Variants in PKNOX2 observed in about 807,000 individuals in gnomAD.
The protein encoded by PKNOX2 is homeobox protein PKNOX2.
A neutral mutation model predicts 53.1 loss-of-function variants in PKNOX2; 14 were observed. The ratio of observed to expected loss-of-function variants is 0.26; its 90% CI spans 0.17 to 0.41. PKNOX2 has a LOEUF of 0.41. Among genes scored for constraint, PKNOX2 ranks in the 10% least tolerant of loss-of-function variants. PKNOX2 has a pLI of 1.00. For synonymous variants in PKNOX2, 257 were observed against 242.8 expected (o/e 1.06, Z -0.54); for missense variants, 496 against 602.8 (o/e 0.82, Z 1.85).
intron 2 of PKNOX2, among the ~76,000 whole-genome samples, chr11:125,265,085 G>A (rs1022849968): frequency 1.3e-5 from 2 of 152,146 alleles, no homozygotes; most frequent in Non-Finnish European, 2.9e-5. Context: ...TCAGAAGATT[G>A]AGACCATCCT....
intron 2 of PKNOX2, among the ~76,000 whole-genome samples, chr11:125,248,923 ATAAT>A (rs1943783516): frequency 8.0e-6 from 1 of 124,576 alleles, no homozygotes; most frequent in Admixed American, 8.0e-5. Flanking sequence ...TATAACATAT[ATAAT>A]ATACATTATA....
intron 5 of PKNOX2, among the ~76,000 whole-genome samples, chr11:125,383,473 C>T (rs1169805640): frequency 3.5e-5 from 5 of 143,502 alleles, no homozygotes; most frequent in East Asian, 2.1e-4. Context: ...AAAAATTAGT[C>T]AGGCATGATG....
At position 125,222,629 on chromosome 11, in the gene PKNOX2, G is replaced by GTGTGTATGTGTGTGCGTATGTGTGTGC. The variant is rs1555120663; in HGVS notation, c.-200-12401_-200-12375dup. ...TCTGTGTGTATGTGTGTGTATGTGT[G>GTGTGTATGTGTGTGCGTATGTGTGTGC]TGTGTATGTGTGTGCGTATGTGTGT... is the stretch of plus-strand genomic sequence containing the variant. On this transcript the variant is annotated intron_variant, in intron 1 of 12. Coordinates refer to ENST00000298282, the MANE Select transcript of PKNOX2 (RefSeq NM_001382323.2). Among the ~76,000 whole-genome samples the GTGTGTATGTGTGTGCGTATGTGTGTGC allele has an allele frequency of 9.8e-3, 1,467 of 149,584 alleles. 23 individuals carry two copies. The highest frequency in any genetic ancestry group is 0.021 in the Admixed American group (308 of 14,938).
At chr11:125,427,349 G>A (rs988615904) in intron 10 of PKNOX2, among the ~76,000 whole-genome samples, 70 of 152,184 alleles carry the variant, frequency 4.6e-4, no homozygotes, top group African/African-American at 1.6e-3. Flanking sequence ...TGGCATGGTG[G>A]TCAGGGTCAG....
rs1369502269 is a variant in PKNOX2, at chr11:125,210,731, C to T, written c.-200-24314C>T. Among the ~76,000 whole-genome samples the T allele has an allele frequency of 5.9e-5, 9 of 152,206 alleles. No individual in the cohort carries two copies. The South Asian group carries it at 6.2e-4, about 11-fold the overall frequency. On this transcript the variant is annotated intron_variant, in intron 1 of 12. Transcript: ENST00000298282. ...AGACACACCAAGACGAGTTGTCACCCTCACTGTCCCGCCTCCTACTTCTGG... is the reference window on the plus strand; with the variant it reads ...AGACACACCAAGACGAGTTGTCACCTTCACTGTCCCGCCTCCTACTTCTGG...
intron 1 of PKNOX2, among the ~76,000 whole-genome samples, chr11:125,224,697 C>G (rs916785361): frequency 6.6e-6 from 1 of 152,218 alleles, no homozygotes; most frequent in Admixed American, 6.5e-5. Flanking sequence ...GGACACCAGC[C>G]GCGGCTGCCT....
chr11:125,425,049 TC>T lies in PKNOX2; in HGVS notation c.937-3961del, dbSNP rs530396853. On this transcript the variant is annotated intron_variant, in intron 10 of 12. Transcript: ENST00000298282. ...AATACCATAATTCCCTTCTCTAGAG[TC>T]CTTGAGTATTCAACTAGATGATGCC... Among the ~76,000 whole-genome samples the T allele has an allele frequency of 8.5e-5, 13 of 152,076 alleles. 1 individual carries two copies. In the South Asian group the frequency reaches 2.5e-3, roughly 29 times the overall value.
In PKNOX2 at chr11:125,405,378, T is replaced by C. The variant is rs544127207; in HGVS notation, c.589-4818T>C. On this transcript the variant is annotated intron_variant, in intron 7 of 12. Coordinates refer to ENST00000298282, the MANE Select transcript of PKNOX2 (RefSeq NM_001382323.2). ...TCCTTGAGTGGAAATGAAGTCTTCCTTGAGTTTCCCAGGGCAGTTCAAGCC... is the reference window on the plus strand; with the variant it reads ...TCCTTGAGTGGAAATGAAGTCTTCCCTGAGTTTCCCAGGGCAGTTCAAGCC... Among the ~76,000 whole-genome samples, 3 of 152,340 alleles carry C rather than the reference T, an allele frequency of 2.0e-5. No homozygotes were observed. The South Asian group carries it at 6.2e-4, about 32-fold the overall frequency.
intron 7 of PKNOX2, among the ~76,000 whole-genome samples, chr11:125,408,857 G>A (rs1374438675): frequency 2.0e-5 from 3 of 152,174 alleles, no homozygotes; most frequent in Non-Finnish European, 4.4e-5. Flanking sequence ...ACTTGCCCTG[G>A]AGGCTGAAGA....
chr11:125,171,346 A>G lies in PKNOX2; in HGVS notation c.-201+6570A>G, dbSNP rs114455437. On this transcript the variant is annotated intron_variant, in intron 1 of 12. Coordinates refer to ENST00000298282, the MANE Select transcript of PKNOX2 (RefSeq NM_001382323.2). Reference sequence around the variant, plus strand: ...ACAGCAGCAAAAACAAAGCCAAGACATTGCCATGAAGCCTGTCCTCAAGGA... The same window carrying G: ...ACAGCAGCAAAAACAAAGCCAAGACGTTGCCATGAAGCCTGTCCTCAAGGA... 3.8e-3 allele frequency among the ~76,000 whole-genome samples: 582 copies of G among 152,292 alleles called. 4 individuals are homozygous for G. Among genetic ancestry groups the G allele is most frequent in the Middle Eastern group, 0.017 (5 of 292 alleles).
chr11:125,224,048 A>G (rs904025163), intron 1 of PKNOX2, among the ~76,000 whole-genome samples: 2 of 152,252 alleles, frequency 1.3e-5, no homozygotes, highest in African/African-American at 4.8e-5. Flanking sequence ...TTGCTCACAC[A>G]GCTTTTCCCC....
Position 125,358,255 on chromosome 11 carries a change from C to A in PKNOX2, c.87+6863C>A, listed in dbSNP as rs115207729. ...CCAGCTATGAACACCCCCTTACACA[C>A]ACGCACACACATAGATGTGCACACA... is the stretch of plus-strand genomic sequence containing the variant. On this transcript the variant is annotated intron_variant, in intron 4 of 12. Coordinates refer to ENST00000298282, the MANE Select transcript of PKNOX2 (RefSeq NM_001382323.2). Among the ~76,000 whole-genome samples, 1,239 of 152,348 alleles carry A rather than the reference C, an allele frequency of 8.1e-3. 15 individuals carry two copies. Among genetic ancestry groups the A allele is most frequent in the African/African-American group, 0.029 (1,190 of 41,572 alleles).
At chr11:125,286,474 T>A (rs967774205) in intron 2 of PKNOX2, among the ~76,000 whole-genome samples, 2 of 152,220 alleles carry the variant, frequency 1.3e-5, no homozygotes, top group Admixed American at 6.5e-5. Flanking sequence ...TCAAAGTAAG[T>A]TTTGCTAGCC....
chr11:125,329,769 G>C (rs535221291), intron 2 of PKNOX2, among the ~76,000 whole-genome samples: 1 of 152,180 alleles, frequency 6.6e-6, no homozygotes, highest in South Asian at 2.1e-4. Flanking sequence ...AGTTGTGGAC[G>C]GGTTTGGAGA....
intron 2 of PKNOX2, among the ~76,000 whole-genome samples, chr11:125,262,532 G>A (rs1211895086): frequency 1.3e-5 from 2 of 151,964 alleles, no homozygotes; most frequent in African/African-American, 4.8e-5. Context: ...GGCATTGTGG[G>A]ATGGCAGGAG....
Position 125,210,028 on chromosome 11 carries a change from G to C in PKNOX2, c.-200-25017G>C, listed in dbSNP as rs532178075. 5.9e-5 allele frequency among the ~76,000 whole-genome samples: 9 copies of C among 152,234 alleles called. 1 individual carries two copies. The highest frequency in any genetic ancestry group is 1.3e-4 in the Non-Finnish European group (9 of 67,986). On this transcript the variant is annotated intron_variant, in intron 1 of 12. Transcript: ENST00000298282. ...AGGTGAAGCAAGGTAGTGGGGGTGT[G>C]GGGGACTGAGCCCTGGACAGGTCAT... is the stretch of plus-strand genomic sequence containing the variant.
chr11:125,356,488 G>A (rs1951623715), intron 4 of PKNOX2, among the ~76,000 whole-genome samples: 2 of 152,164 alleles, frequency 1.3e-5, no homozygotes, highest in South Asian at 2.1e-4. Flanking sequence ...TGTTTGCTTG[G>A]GGCCCCTTTG....
chr11:125,387,031 G>A (rs529934695), intron 6 of PKNOX2, among the ~76,000 whole-genome samples: 22 of 152,272 alleles, frequency 1.4e-4, no homozygotes, highest in African/African-American at 2.9e-4. Flanking sequence ...TGGGGCATCC[G>A]TTTCCCTGGC....
chr11:125,259,334 A>C (rs539850516), intron 2 of PKNOX2, among the ~76,000 whole-genome samples: 1 of 152,354 alleles, frequency 6.6e-6, no homozygotes, highest in South Asian at 2.1e-4. Context: ...CTGAGGCAGG[A>C]CATACATAAG....
Sources: gnomAD v4.1 joint callset for allele counts (sites outside exome capture counted in the v4.1 genomes callset) on GRCh38, gnomAD v4.1.1 for gene constraint, MANE v1.5 for transcripts, NCBI Gene and HGNC (gene_info 2026-07-23, HGNC 2026-07-21) for gene names.